TRPC4: variants seen among roughly 807,000 people sequenced by gnomAD.
TRPC4 encodes short transient receptor potential channel 4.
A neutral mutation model predicts 99.4 loss-of-function variants in TRPC4; 49 were observed. That is an observed-to-expected ratio of 0.49 (90% CI 0.39 to 0.63). The LOEUF is 0.63. Among genes scored for constraint, TRPC4 ranks in the 20% least tolerant of loss-of-function variants. The pLI, the probability that TRPC4 is intolerant of heterozygous loss-of-function variation, is 0.00. For synonymous variants in TRPC4, 454 were observed against 425.9 expected, an observed-to-expected ratio of 1.07 and a Z score of -0.81; for missense variants, 898 against 1,152.9, an observed-to-expected ratio of 0.78 and a Z score of 3.20.
chr13:37,639,231 T>A (rs1951637162), intron 9 of TRPC4, 27 bp downstream of exon 9: 1 of 1,613,556 alleles, frequency 6.2e-7, no homozygotes, highest in Admixed American at 1.7e-5. Flanking sequence ...AGTGAAAATT[T>A]CAAGACATAG....
At chr13:37,714,605 C>G (rs758442571) in intron 3 of TRPC4, among the ~76,000 whole-genome samples, 2 of 152,174 alleles carry the variant, frequency 1.3e-5, no homozygotes, top group Non-Finnish European at 2.9e-5. Context: ...CGCCCAATCT[C>G]ACCTCTGCCT....
chr13:37,745,519 CGTAT>C (rs1955744503), intron 3 of TRPC4, among the ~76,000 whole-genome samples: 2 of 104,780 alleles, frequency 1.9e-5, no homozygotes, highest in African/African-American at 9.5e-5. Flanking sequence ...TATATATATA[CGTAT>C]ATATGTATAT....
At chr13:37,782,875 A>G in intron 2 of TRPC4, 81 bp downstream of exon 2, 2 of 596,962 alleles carry the variant, frequency 3.4e-6, no homozygotes, top group Non-Finnish European at 4.5e-6. Flanking sequence ...TTGAAAATCT[A>G]AAAAAAAAAA....
intron 2 of TRPC4, among the ~76,000 whole-genome samples, chr13:37,772,961 A>C (rs987174056): frequency 6.6e-6 from 1 of 151,758 alleles, no homozygotes; most frequent in Admixed American, 6.6e-5. Context: ...ATGTGCCAGC[A>C]GTGTCTCCCT....
intron 2 of TRPC4, among the ~76,000 whole-genome samples, chr13:37,768,765 C>G (rs1171999472): frequency 1.3e-5 from 2 of 151,238 alleles, no homozygotes; most frequent in Non-Finnish European, 3.0e-5. Context: ...TCTCACCTCT[C>G]ATGCCCCACA....
At chr13:37,844,036 C>A (rs1475582308) in intron 1 of TRPC4, among the ~76,000 whole-genome samples, 1 of 152,118 alleles carries the variant, frequency 6.6e-6, no homozygotes, top group African/African-American at 2.4e-5. Flanking sequence ...TGGAAGCAAA[C>A]ATTAAGTTTC....
intron 3 of TRPC4, among the ~76,000 whole-genome samples, chr13:37,695,152 C>A (rs1205939973): frequency 3.3e-5 from 5 of 152,030 alleles, no homozygotes; most frequent in African/African-American, 1.2e-4. Context: ...CCCTCCCTGC[C>A]TGACTACCTC....
chr13:37,866,820 G>T, intron 1 of TRPC4, among the ~76,000 whole-genome samples: 1 of 107,088 alleles, frequency 9.3e-6, no homozygotes, highest in African/African-American at 3.8e-5. Context: ...GGGTTGAGTC[G>T]AACCAGTTTT....
intron 3 of TRPC4, among the ~76,000 whole-genome samples, chr13:37,706,141 C>T (rs538606392): frequency 1.3e-4 from 20 of 152,148 alleles, no homozygotes; most frequent in Admixed American, 3.9e-4. Context: ...TCACTTAATC[C>T]CTAGCACTAG....
intron 1 of TRPC4, among the ~76,000 whole-genome samples, chr13:37,866,952 G>A (rs1377059953): frequency 1.4e-5 from 2 of 139,576 alleles, no homozygotes; most frequent in African/African-American, 6.6e-5. Flanking sequence ...TCATGGTGGG[G>A]TTTCCATAGG....
At chr13:37,668,509 T>C (rs1162504441) in intron 5 of TRPC4, among the ~76,000 whole-genome samples, 1 of 152,172 alleles carries the variant, frequency 6.6e-6, no homozygotes, top group African/African-American at 2.4e-5. Context: ...TTGACACAGA[T>C]GTAACACAGA....
chr13:37,831,155 A>G (rs532378897), intron 1 of TRPC4, among the ~76,000 whole-genome samples: 8 of 152,126 alleles, frequency 5.3e-5, no homozygotes, highest in Middle Eastern at 3.4e-3. Flanking sequence ...TTTTGGGGTC[A>G]TATTCAAGAA....
At chr13:37,775,308 T>C (rs1159684742) in intron 2 of TRPC4, among the ~76,000 whole-genome samples, 1 of 151,828 alleles carries the variant, frequency 6.6e-6, no homozygotes, top group Non-Finnish European at 1.5e-5. Flanking sequence ...CTATTTACCA[T>C]GCTCTTTCAA....
rs1321952156 is a variant in TRPC4, at chr13:37,633,447, TA to T, written c.*3455del. Among the ~76,000 whole-genome samples, 1 of 152,132 alleles carries T rather than the reference TA, an allele frequency of 6.6e-6. No individual in the cohort carries two copies. The highest frequency in any genetic ancestry group is 1.5e-5 in the Non-Finnish European group (1 of 68,018). ...TCAAAACTTGGTGGCCTCTCTTCAA[TA>T]AAGAGCTGTGAGACTGGATAGTCAT... is the stretch of plus-strand genomic sequence containing the variant. On this transcript the variant is annotated 3_prime_UTR_variant, in exon 11 of 11. Coordinates refer to ENST00000379705, the MANE Select transcript of TRPC4 (RefSeq NM_016179.4).
At chr13:37,704,102 C>T (rs908000215) in intron 3 of TRPC4, among the ~76,000 whole-genome samples, 1 of 151,760 alleles carries the variant, frequency 6.6e-6, no homozygotes, top group Non-Finnish European at 1.5e-5. Flanking sequence ...ATGAAAGAAG[C>T]CAAAGGAAAA....
intron 1 of TRPC4, among the ~76,000 whole-genome samples, chr13:37,793,420 A>C (rs1268888399): frequency 1.3e-5 from 2 of 150,578 alleles, no homozygotes. Flanking sequence ...ATATCTCCTA[A>C]TGCTATCCCT....
In TRPC4 at chr13:37,692,242, C is replaced by T; in HGVS notation, c.991G>A (p.Val331Met). Reference protein sequence around the residue: ...WRRRHWAVKMVTCFIIGLLFP... With the variant: ...WRRRHWAVKMMTCFIIGLLFP... ...AGAAGTCCTATTATGAAACATGTCA[C>T]CATCTTCACTGCCCAGTGTCTTCTC... is the stretch of plus-strand genomic sequence containing the variant. The change falls in exon 4 of 11, where the codon GTG becomes ATG. Residue 331 changes from valine (V) to methionine (M), a missense_variant. By Grantham distance (21) the Val-to-Met change is conservative (BLOSUM62 1). Coordinates refer to ENST00000379705, the MANE Select transcript of TRPC4 (RefSeq NM_016179.4). 5 of 1,614,144 alleles carry T rather than the reference C, an allele frequency of 3.1e-6. No individual in the cohort carries two copies. Among genetic ancestry groups the T allele is most frequent in the Non-Finnish European group, 4.2e-6 (5 of 1,180,026 alleles).
chr13:37,812,271 C>T (rs977582295), intron 1 of TRPC4, among the ~76,000 whole-genome samples: 5 of 139,440 alleles, frequency 3.6e-5, no homozygotes, highest in African/African-American at 1.3e-4. Flanking sequence ...AAAATGCAAA[C>T]ATTTCTAGCA....
At chr13:37,689,354 G>T (rs1326811459) in intron 4 of TRPC4, among the ~76,000 whole-genome samples, 1 of 152,114 alleles carries the variant, frequency 6.6e-6, no homozygotes, top group African/African-American at 2.4e-5. Context: ...TATAATCATG[G>T]ATCTAGCAAG....
Sources: gnomAD v4.1 joint callset for allele counts (sites outside exome capture counted in the v4.1 genomes callset) on GRCh38, gnomAD v4.1.1 for gene constraint, MANE v1.5 for transcripts, NCBI Gene and HGNC (gene_info 2026-07-23, HGNC 2026-07-21) for gene names.